Variants in SORCS3 observed in about 807,000 individuals in gnomAD.
The protein encoded by SORCS3 is sortilin related VPS10 domain containing receptor 3.
SORCS3 carries 57 observed loss-of-function variants against 146.3 expected under a neutral mutation model. That is an observed-to-expected ratio of 0.39 (90% CI 0.31 to 0.49). The LOEUF is 0.49. SORCS3 is among the 20% of genes least tolerant of loss of function. The pLI is 0.92. For synonymous variants in SORCS3, 653 were observed against 618.5 expected (o/e 1.06, Z -0.83); for missense variants, 1,341 against 1,575.5 (o/e 0.85, Z 2.52).
chr10:104,728,343 T>C (rs2016666420), intron 1 of SORCS3, among the ~76,000 whole-genome samples: 1 of 152,176 alleles, frequency 6.6e-6, no homozygotes. Context: ...GCAATTCTAG[T>C]GCTGTTCTAA....
At chr10:104,929,073 G>A (rs2019179722) in intron 3 of SORCS3, among the ~76,000 whole-genome samples, 1 of 152,146 alleles carries the variant, frequency 6.6e-6, no homozygotes, top group African/African-American at 2.4e-5. Flanking sequence ...TTTCCCCCAG[G>A]GCCCAATGAG....
At chr10:104,956,470 C>T (rs1237690224) in intron 3 of SORCS3, among the ~76,000 whole-genome samples, 1 of 152,160 alleles carries the variant, frequency 6.6e-6, no homozygotes, top group Non-Finnish European at 1.5e-5. Flanking sequence ...TTCGGAAACA[C>T]CATGGGACAT....
chr10:104,765,382 A>G (rs1167587976), intron 1 of SORCS3, among the ~76,000 whole-genome samples: 1 of 152,228 alleles, frequency 6.6e-6, no homozygotes, highest in East Asian at 1.9e-4. Flanking sequence ...TCGTGGAGCT[A>G]GTCTCCAACT....
chr10:104,873,884 T>A (rs1208292697), intron 2 of SORCS3, among the ~76,000 whole-genome samples: 1 of 152,204 alleles, frequency 6.6e-6, no homozygotes, highest in Non-Finnish European at 1.5e-5. Context: ...AATAACTACC[T>A]CTCTCCAGCA....
Position 105,235,012 on chromosome 10 carries a change from A to T in SORCS3, c.2869-10530A>T, listed in dbSNP as rs910997928. On this transcript the variant is annotated intron_variant, in intron 20 of 26. Coordinates refer to ENST00000369701, the MANE Select transcript of SORCS3 (RefSeq NM_014978.3). ...GATGGTAAGCTATGGAAGGAGGGGA[A>T]GCTTTTTATCAACCTGTGATTAGTT... 2.6e-5 allele frequency among the ~76,000 whole-genome samples: 4 copies of T among 152,050 alleles called. No homozygotes were observed. The South Asian group carries it at 8.3e-4, about 31-fold the overall frequency.
At chr10:104,710,564 T>A (rs1445205814) in intron 1 of SORCS3, among the ~76,000 whole-genome samples, 1 of 152,150 alleles carries the variant, frequency 6.6e-6, no homozygotes, top group Non-Finnish European at 1.5e-5. Flanking sequence ...AGGGCTTCTC[T>A]GGGGAGGTGA....
intron 1 of SORCS3, among the ~76,000 whole-genome samples, chr10:104,684,816 T>G (rs1292471971): frequency 2.0e-5 from 1 of 50,812 alleles, no homozygotes; most frequent in African/African-American, 8.8e-5. Flanking sequence ...TTTTTTTTTT[T>G]TTTTTTTTTT....
chr10:105,237,047 G>A (rs1020042925), intron 20 of SORCS3, among the ~76,000 whole-genome samples: 5 of 152,062 alleles, frequency 3.3e-5, no homozygotes, highest in South Asian at 4.2e-4. Flanking sequence ...TAATGGTGAC[G>A]AGAGGTATTT....
chr10:104,676,093 T>C (rs749970546), intron 1 of SORCS3, among the ~76,000 whole-genome samples: 5 of 152,254 alleles, frequency 3.3e-5, no homozygotes, highest in Non-Finnish European at 7.3e-5. Context: ...AAATTTTTCA[T>C]TTTCTAATTT....
chr10:105,052,285 A>G (rs1299119701), intron 5 of SORCS3, among the ~76,000 whole-genome samples: 3 of 152,176 alleles, frequency 2.0e-5, no homozygotes, highest in Non-Finnish European at 4.4e-5. Context: ...CAGTGTAGCA[A>G]AAATTCCATA....
intron 14 of SORCS3, among the ~76,000 whole-genome samples, chr10:105,198,357 G>GA (rs2056555589): frequency 6.6e-6 from 1 of 151,814 alleles, no homozygotes; most frequent in Non-Finnish European, 1.5e-5. Flanking sequence ...GCTGGATAGA[G>GA]AAAAAAAAGA....
intron 8 of SORCS3, among the ~76,000 whole-genome samples, chr10:105,142,797 C>T (rs1353983260): frequency 6.6e-6 from 1 of 152,146 alleles, no homozygotes; most frequent in African/African-American, 2.4e-5. Flanking sequence ...AAAATCTCCT[C>T]TTACCTAAGT....
At chr10:104,746,178 C>T (rs1385625563) in intron 1 of SORCS3, among the ~76,000 whole-genome samples, 1 of 151,170 alleles carries the variant, frequency 6.6e-6, no homozygotes, top group Non-Finnish European at 1.5e-5. Context: ...GCTCTGTCAC[C>T]CAGGTTGGAG....
At chr10:105,133,735 G>A (rs2056038125) in intron 7 of SORCS3, among the ~76,000 whole-genome samples, 1 of 151,968 alleles carries the variant, frequency 6.6e-6, no homozygotes. Context: ...GAGCCCAGGA[G>A]TGGCTTTGGT....
intron 3 of SORCS3, among the ~76,000 whole-genome samples, chr10:104,928,208 AG>A (rs1489387422): frequency 5.3e-5 from 8 of 152,174 alleles, no homozygotes; most frequent in Non-Finnish European, 1.0e-4. Context: ...GAGCCATAGC[AG>A]GCTTCTGAGC....
At chr10:104,876,427 A>G (rs1456377633) in intron 2 of SORCS3, among the ~76,000 whole-genome samples, 1 of 152,202 alleles carries the variant, frequency 6.6e-6, no homozygotes, top group Non-Finnish European at 1.5e-5. Flanking sequence ...ATTAATCTGT[A>G]GAAGCACAGA....
chr10:105,073,733 C>G (rs972196140), intron 5 of SORCS3, among the ~76,000 whole-genome samples: 1 of 152,090 alleles, frequency 6.6e-6, no homozygotes, highest in African/African-American at 2.4e-5. Flanking sequence ...GCCAGGGGAG[C>G]TGGTACCTCG....
At position 105,031,677 on chromosome 10, in the gene SORCS3, C is replaced by A. The variant is rs78464907; in HGVS notation, c.955-11378C>A. 3.5e-3 allele frequency among the ~76,000 whole-genome samples: 536 copies of A among 152,302 alleles called. 31 individuals are homozygous for A. The East Asian group carries it at 0.095, about 27-fold the overall frequency. On this transcript the variant is annotated intron_variant, in intron 4 of 26. Coordinates refer to ENST00000369701, the MANE Select transcript of SORCS3 (RefSeq NM_014978.3). The stretch of plus-strand genomic sequence containing the variant: ...GATATTATTTCTTACATTAAGCAAA[C>A]ATTTGCTTCTGCCTAGATTTCACCT...
chr10:105,186,833 G>A (rs1589679011), intron 14 of SORCS3, among the ~76,000 whole-genome samples: 2 of 148,834 alleles, frequency 1.3e-5, no homozygotes, highest in South Asian at 4.2e-4. Context: ...GCAGTGAGCC[G>A]AGATCGTGCC....
Sources: allele counts gnomAD v4.1 joint callset (sites outside exome capture counted in the v4.1 genomes callset), GRCh38; gene constraint gnomAD v4.1.1; transcripts MANE v1.5; gene names NCBI Gene and HGNC (gene_info 2026-07-23, HGNC 2026-07-21).